SETD7: variants seen among roughly 807,000 people sequenced by gnomAD.
SETD7 encodes the protein SET domain containing 7, histone lysine methyltransferase.
In SETD7, 16 loss-of-function variants were observed where a neutral mutation model predicts 41.8. That is an observed-to-expected ratio of 0.38 (90% CI 0.26 to 0.58). The LOEUF is 0.58. Among genes scored for constraint, SETD7 ranks in the 20% least tolerant of loss-of-function variants. The pLI, the probability that SETD7 is intolerant of heterozygous loss-of-function variation, is 0.64. For missense variants in SETD7, 346 were observed against 459.7 expected, an observed-to-expected ratio of 0.75 and a Z score of 2.26; for synonymous variants, 163 against 169.7, an observed-to-expected ratio of 0.96 and a Z score of 0.31.
intron 1 of SETD7, among the ~76,000 whole-genome samples, chr4:139,553,214 C>G (rs1277982135): frequency 6.6e-6 from 1 of 152,232 alleles, no homozygotes; most frequent in Non-Finnish European, 1.5e-5. Context: ...CATACCCTGA[C>G]AGAGAACCAA....
chr4:139,512,752 C>CTTTTTTTTTTTTTTTT (rs140570195), intron 7 of SETD7, among the ~76,000 whole-genome samples: 1 of 75,538 alleles, frequency 1.3e-5, no homozygotes, highest in African/African-American at 4.9e-5. Flanking sequence ...TTTTCTTATT[C>CTTTTTTTTTTTTTTTT]TTTTTTTTTT....
At position 139,506,295 on chromosome 4, in the gene SETD7, T is replaced by G. The variant is rs1215496850; in HGVS notation, c.*5368A>C. 1 of 152,662 alleles carries G rather than the reference T, an allele frequency of 6.6e-6. No homozygotes were observed. Among genetic ancestry groups the G allele is most frequent in the Non-Finnish European group, 1.5e-5 (1 of 68,040 alleles). The allele number at this position is 152,662 out of a possible 1,614,324, so 9.5% of individuals were successfully genotyped here. On this transcript the variant is annotated 3_prime_UTR_variant, in exon 8 of 8. Coordinates refer to ENST00000274031, the MANE Select transcript of SETD7 (RefSeq NM_030648.4). Reference sequence around the variant, plus strand: ...AATTATAGATATTGAATAAGGCTCATAGTTTTAGTTCAAATTCCACAAGAG... The same window carrying G: ...AATTATAGATATTGAATAAGGCTCAGAGTTTTAGTTCAAATTCCACAAGAG...
chr4:139,543,798 C>CAAA lies in SETD7; in HGVS notation c.170+3119_170+3121dup, dbSNP rs1182628309. ...AAACCCCGTCTCTACTAAAAAAATA[C>CAAA]AAAAAAAAAAAAAAAATTAGCCGGG... On this transcript the variant is annotated intron_variant, in intron 2 of 7. Coordinates refer to ENST00000274031, the MANE Select transcript of SETD7 (RefSeq NM_030648.4). Among the ~76,000 whole-genome samples, 1,173 of 119,912 alleles carry CAAA rather than the reference C, an allele frequency of 9.8e-3. 16 individuals are homozygous for CAAA. The highest frequency in any genetic ancestry group is 0.033 in the East Asian group (137 of 4,108). The allele number at this position is 119,912 out of a possible 152,430, so 78.7% of individuals were successfully genotyped here. A position where few individuals can be genotyped will look rare whatever the true frequency, so the allele number is the denominator to read the frequency against.
intron 4 of SETD7, among the ~76,000 whole-genome samples, chr4:139,527,734 A>G (rs976184059): frequency 3.3e-5 from 5 of 152,220 alleles, no homozygotes; most frequent in African/African-American, 9.7e-5. Flanking sequence ...TAAGAAACCA[A>G]CACAGATACA....
chr4:139,539,391 G>A lies in SETD7; in HGVS notation c.171-6025C>T, dbSNP rs574992131. On this transcript the variant is annotated intron_variant, in intron 2 of 7. Coordinates refer to ENST00000274031, the MANE Select transcript of SETD7 (RefSeq NM_030648.4). ...AAACTAAGCAAAGAGCAGCAACAAG[G>A]AGATGCAACCCATCTGCTAGAACTA... is the stretch of plus-strand genomic sequence containing the variant. Among the ~76,000 whole-genome samples, 6 of 152,258 alleles carry A rather than the reference G, an allele frequency of 3.9e-5. No individual in the cohort carries two copies. In the East Asian group the frequency reaches 9.6e-4, roughly 24 times the overall value.
intron 5 of SETD7, among the ~76,000 whole-genome samples, chr4:139,521,091 T>C (rs1727169383): frequency 6.6e-6 from 1 of 152,224 alleles, no homozygotes; most frequent in Non-Finnish European, 1.5e-5. Flanking sequence ...ATATTTACTA[T>C]GTGGCCCTTT....
In SETD7 at chr4:139,523,400, A is replaced by C. The variant is rs150697186; in HGVS notation, c.598T>G (p.Cys200Gly). 58 of 1,613,772 alleles carry C rather than the reference A, an allele frequency of 3.6e-5. No individual in the cohort carries two copies. Among genetic ancestry groups the C allele is most frequent in the Middle Eastern group, 3.3e-4 (2 of 6,062 alleles). Residue 200 changes from cysteine (C) to glycine (G), a missense_variant, in exon 5 of 8, where the codon TGC (cysteine) becomes GGC (glycine). Cys to Gly is a radical substitution (Grantham distance 159, BLOSUM62 -3). Transcript: ENST00000274031. ...VYHFDKSTSS[C>G]ISTNALLPDP... ...GGAAGAAGAGCATTGGTAGAAATGC[A>C]AGATGAAGTCGACTTATCAAAGTGG...
At chr4:139,528,371 TAGAGATCTACTTG>T (rs1224129507) in intron 4 of SETD7, among the ~76,000 whole-genome samples, 7 of 152,262 alleles carry the variant, frequency 4.6e-5, no homozygotes, top group Non-Finnish European at 8.8e-5. Flanking sequence ...CTTTACAGTT[TAGAGATCTACTTG>T]ATTTGGTTCT....
intron 1 of SETD7, 89 bp from the exon 2 acceptor site, chr4:139,547,138 C>T (rs1727981605): frequency 2.6e-6 from 4 of 1,515,162 alleles, no homozygotes; most frequent in Non-Finnish European, 3.6e-6. Context: ...CCAGACAAGT[C>T]CCCCACCCAA....
At chr4:139,528,440 A>T (rs1469713818) in intron 4 of SETD7, among the ~76,000 whole-genome samples, 2 of 152,238 alleles carry the variant, frequency 1.3e-5, no homozygotes, top group African/African-American at 4.8e-5. Flanking sequence ...ATTTGAAATC[A>T]GTTGAATTAC....
intron 2 of SETD7, among the ~76,000 whole-genome samples, chr4:139,545,891 A>G (rs2111170839): frequency 6.6e-6 from 1 of 152,244 alleles, no homozygotes; most frequent in South Asian, 2.1e-4. Context: ...ATTTTACCCA[A>G]CCAACGGGTC....
exon 8 of SETD7, chr4:139,496,339 G>A (rs1048240056): frequency 4.4e-5 from 31 of 700,604 alleles, no homozygotes; most frequent in African/African-American, 7.0e-5. Context: ...CATTCCATTC[G>A]CTTTTATCTT....
At chr4:139,551,570 C>A (rs1728111540) in intron 1 of SETD7, among the ~76,000 whole-genome samples, 1 of 152,094 alleles carries the variant, frequency 6.6e-6, no homozygotes, top group South Asian at 2.1e-4. Flanking sequence ...ATCTCAATCT[C>A]AGCAAAGTAA....
Position 139,533,206 on chromosome 4 carries a change from T to C in SETD7, c.331A>G (p.Lys111Glu), listed in dbSNP as rs1727536458. 1.2e-6 allele frequency: 2 copies of C among 1,614,124 alleles called. No homozygotes were observed. Among genetic ancestry groups the C allele is most frequent in the African/African-American group, 2.7e-5 (2 of 74,948 alleles). Residue 111 changes from lysine (K) to glutamate (E), a missense_variant, in exon 3 of 8, where the codon AAA (lysine) becomes GAA (glutamate). Lys to Glu is a moderately conservative substitution (Grantham distance 56, BLOSUM62 1). Coordinates refer to ENST00000274031, the MANE Select transcript of SETD7 (RefSeq NM_030648.4). ...DGRLIFKGQY[K>E]DNIRHGVCWI... ...CACACTCCATGACGAATGTTATCTT[T>C]ATACTGCCCCTTGAAGATCAGTCTC...
At chr4:139,530,039 A>G (rs1368408665) in intron 3 of SETD7, among the ~76,000 whole-genome samples, 1 of 152,196 alleles carries the variant, frequency 6.6e-6, no homozygotes, top group East Asian at 1.9e-4. Flanking sequence ...ATATAATTCT[A>G]TACCTTGATA....
exon 8 of SETD7, chr4:139,496,442 C>T: frequency 1.4e-6 from 1 of 702,496 alleles, no homozygotes; most frequent in Non-Finnish European, 2.6e-6. Flanking sequence ...ACCCAGGGCG[C>T]TTGATCCAGA....
At chr4:139,512,403 G>C (rs1726904573) in intron 7 of SETD7, among the ~76,000 whole-genome samples, 1 of 152,210 alleles carries the variant, frequency 6.6e-6, no homozygotes, top group African/African-American at 2.4e-5. Flanking sequence ...AGTAGATGAA[G>C]ATTTCTTCCC....
intron 2 of SETD7, among the ~76,000 whole-genome samples, chr4:139,538,719 T>C (rs1727706077): frequency 6.6e-6 from 1 of 152,088 alleles, no homozygotes. Flanking sequence ...TTAACATGCT[T>C]AACTTGTATT....
chr4:139,504,464 C>T (rs13145701), downstream of SETD7, among the ~76,000 whole-genome samples: 32,946 of 151,814 alleles, frequency 0.22, 4,578 homozygotes, highest in African/African-American at 0.4. Context: ...TTCTGTTTTT[C>T]CTTTTTTTTT....
Sources: gnomAD v4.1 joint callset for allele counts (sites outside exome capture counted in the v4.1 genomes callset) on GRCh38, gnomAD v4.1.1 for gene constraint, MANE v1.5 for transcripts, NCBI Gene and HGNC (gene_info 2026-07-23, HGNC 2026-07-21) for gene names.